The following PIK3AP1 variants were observed in gnomAD, a reference collection of about 807,000 sequenced individuals.
PIK3AP1 encodes the protein phosphoinositide 3-kinase adapter protein 1.
Under a neutral mutation model 88.1 loss-of-function variants are expected in PIK3AP1, and 21 were observed. The observed-to-expected ratio is 0.24, with a 90% confidence interval of 0.17 to 0.34. The LOEUF (loss-of-function observed/expected upper bound fraction) is 0.34. PIK3AP1 is among the 10% of genes least tolerant of loss of function. The pLI is 1.00. For missense variants in PIK3AP1, 828 were observed against 1,035.7 expected, an observed-to-expected ratio of 0.80 and a Z score of 2.75; for synonymous variants, 398 against 400.0, an observed-to-expected ratio of 1.00 and a Z score of 0.06.
chr10:96,618,421 C>T (rs1843030267), intron 12 of PIK3AP1, among the ~76,000 whole-genome samples: 1 of 152,130 alleles, frequency 6.6e-6, no homozygotes, highest in Non-Finnish European at 1.5e-5. Flanking sequence ...CACTGGAAAC[C>T]TGCCCTGTCC....
rs1198781319 is a variant in PIK3AP1 at position 96,659,700 on chromosome 10, CA to C, written c.431-2767del. ...CAACATAGTAAAACTCTGTCTCTAC[CA>C]AAAAAAAAAAAAACAAAATGCAATT... On this transcript the variant is annotated intron_variant, in intron 2 of 16. Transcript: ENST00000339364. Among the ~76,000 whole-genome samples, 136 of 100,876 alleles carry C rather than the reference CA, an allele frequency of 1.3e-3. 3 individuals carry two copies. The highest frequency in any genetic ancestry group is 1.7e-3 in the Admixed American group (17 of 10,074). The allele number at this position is 100,876 out of a possible 152,430, so 66.2% of individuals were successfully genotyped here.
intron 2 of PIK3AP1, among the ~76,000 whole-genome samples, chr10:96,667,947 A>G (rs1843787579): frequency 1.3e-5 from 2 of 152,326 alleles, no homozygotes; most frequent in South Asian, 4.1e-4. Context: ...TGTACTTTTT[A>G]TTATCTATAT....
At chr10:96,684,879 C>A (rs1844049110) in intron 2 of PIK3AP1, among the ~76,000 whole-genome samples, 1 of 152,138 alleles carries the variant, frequency 6.6e-6, no homozygotes, top group African/African-American at 2.4e-5. Context: ...ATTAACAGGA[C>A]AAGCTGAGGA....
intron 10 of PIK3AP1, 112 bp downstream of exon 10, chr10:96,626,596 C>A (rs1296814806): frequency 8.5e-6 from 10 of 1,177,162 alleles, no homozygotes; most frequent in Admixed American, 7.3e-5. Context: ...GGTTGAAGAC[C>A]ATTTAGAAGG....
intron 7 of PIK3AP1, 55 bp from the exon 8 acceptor site, chr10:96,645,717 G>A: frequency 2.7e-6 from 4 of 1,494,624 alleles, no homozygotes; most frequent in Non-Finnish European, 3.6e-6. Context: ...TTTCCGGGTG[G>A]AACTTGGCCC....
rs560109580 is a variant in PIK3AP1 at position 96,643,817 on chromosome 10, G to C, written c.1375+1656C>G. On this transcript the variant is annotated intron_variant, in intron 8 of 16. Coordinates refer to ENST00000339364, the MANE Select transcript of PIK3AP1 (RefSeq NM_152309.3). Reference sequence around the variant, plus strand: ...CTCCCTGTGGGCCCAGGGCCCTACTGTCTTCTTTTCAGGCTGAAGGCTTGT... The same window carrying C: ...CTCCCTGTGGGCCCAGGGCCCTACTCTCTTCTTTTCAGGCTGAAGGCTTGT... Among the ~76,000 whole-genome samples the C allele has an allele frequency of 5.3e-5, 8 of 152,300 alleles. No individual in the cohort carries two copies. The South Asian group carries it at 1.5e-3, about 28-fold the overall frequency.
chr10:96,620,594 C>G (rs769497112), intron 11 of PIK3AP1, 37 bp from the exon 12 acceptor site: 2 of 1,575,260 alleles, frequency 1.3e-6, no homozygotes, highest in South Asian at 1.1e-5. Context: ...GACAGCTCCC[C>G]CACTGGGGAC....
chr10:96,596,085 C>A (rs1390932622), intron 16 of PIK3AP1, among the ~76,000 whole-genome samples: 1 of 152,080 alleles, frequency 6.6e-6, no homozygotes, highest in Admixed American at 6.6e-5. Flanking sequence ...CTAAATATAC[C>A]TTTCGTATGC....
chr10:96,673,628 C>T (rs1843877751), intron 2 of PIK3AP1, among the ~76,000 whole-genome samples: 1 of 152,208 alleles, frequency 6.6e-6, no homozygotes, highest in Non-Finnish European at 1.5e-5. Context: ...CTCACCTTTT[C>T]ACAGGCTCTT....
chr10:96,634,520 T>C (rs1313545427), intron 8 of PIK3AP1, among the ~76,000 whole-genome samples: 1 of 152,220 alleles, frequency 6.6e-6, no homozygotes, highest in African/African-American at 2.4e-5. Context: ...TTACTAGCTC[T>C]GTGTCCTTGG....
intron 1 of PIK3AP1, among the ~76,000 whole-genome samples, chr10:96,711,559 A>T (rs1314746719): frequency 2.0e-5 from 3 of 152,166 alleles, no homozygotes; most frequent in African/African-American, 4.8e-5. Flanking sequence ...CATTTCATTG[A>T]TGCTTCCTGT....
intron 8 of PIK3AP1, chr10:96,632,838 A>G (rs139454475): frequency 0.019 from 29,649 of 1,590,070 alleles, 499 homozygotes; most frequent in Middle Eastern, 0.077. Flanking sequence ...CACATCCACC[A>G]GTCCAACACC....
rs569472115 is a variant in PIK3AP1, at chr10:96,598,168, C to T, written c.2361-2534G>A. On this transcript the variant is annotated intron_variant, in intron 16 of 16. Transcript: ENST00000339364. ...AAGCAATTTGCCCACCTCAGCCTCTCGAGTACCTGAGACTACAGGCACACA... is the reference window on the plus strand; with the variant it reads ...AAGCAATTTGCCCACCTCAGCCTCTTGAGTACCTGAGACTACAGGCACACA... 5.3e-5 allele frequency among the ~76,000 whole-genome samples: 8 copies of T among 151,604 alleles called. No individual in the cohort carries two copies. In the South Asian group the frequency reaches 1.0e-3, roughly 20 times the overall value.
intron 2 of PIK3AP1, among the ~76,000 whole-genome samples, chr10:96,703,774 A>G (rs944344205): frequency 2.6e-5 from 4 of 152,238 alleles, no homozygotes; most frequent in African/African-American, 9.6e-5. Flanking sequence ...TCAGTTAAAA[A>G]GGTTCTCGGG....
At chr10:96,711,296 C>T (rs142709043) in intron 1 of PIK3AP1, among the ~76,000 whole-genome samples, 29 of 152,306 alleles carry the variant, frequency 1.9e-4, no homozygotes, top group African/African-American at 7.0e-4. Flanking sequence ...AAGAATCTTA[C>T]GAGTAGTAAG....
At chr10:96,689,406 T>C (rs1242301778) in intron 2 of PIK3AP1, among the ~76,000 whole-genome samples, 5 of 146,386 alleles carry the variant, frequency 3.4e-5, no homozygotes, top group African/African-American at 1.3e-4. Flanking sequence ...CTACTAAAAA[T>C]ACAAAAAAAA....
chr10:96,685,296 T>C (rs956694340), intron 2 of PIK3AP1, among the ~76,000 whole-genome samples: 6 of 152,274 alleles, frequency 3.9e-5, no homozygotes, highest in Admixed American at 1.3e-4. Flanking sequence ...TGGTATGAAC[T>C]AGGCAAAGAG....
intron 2 of PIK3AP1, among the ~76,000 whole-genome samples, chr10:96,660,106 G>A (rs779334376): frequency 1.2e-4 from 18 of 151,950 alleles, no homozygotes; most frequent in Non-Finnish European, 2.4e-4. Flanking sequence ...ACTTAATATG[G>A]GATTTTAAAA....
intron 2 of PIK3AP1, among the ~76,000 whole-genome samples, chr10:96,681,294 C>G (rs1231547946): frequency 6.6e-6 from 1 of 152,144 alleles, no homozygotes; most frequent in African/African-American, 2.4e-5. Context: ...AACTCTATCT[C>G]CAAATCCAGT....
Sources: allele counts gnomAD v4.1 joint callset (sites outside exome capture counted in the v4.1 genomes callset), GRCh38; gene constraint gnomAD v4.1.1; transcripts MANE v1.5; gene names NCBI Gene and HGNC (gene_info 2026-07-23, HGNC 2026-07-21).